TMEM132B: variants seen among roughly 807,000 people sequenced by gnomAD.
TMEM132B encodes the protein transmembrane protein 132B.
In TMEM132B, 18 loss-of-function variants were observed where a neutral mutation model predicts 90.8. The ratio of observed to expected loss-of-function variants is 0.20; its 90% confidence interval spans 0.14 to 0.29. The LOEUF (loss-of-function observed/expected upper bound fraction) is 0.29, where lower values mean the gene tolerates loss of function less well. Ranked by LOEUF, TMEM132B falls within the 10% of genes least tolerant of loss-of-function variation. TMEM132B has a pLI of 1.00. For synonymous variants in TMEM132B, 504 were observed against 523.3 expected (o/e 0.96, Z 0.50); for missense variants, 1,096 against 1,326.8 (o/e 0.83, Z 2.70).
chr12:125,527,066 T>C (rs968499296), intron 4 of TMEM132B, among the ~76,000 whole-genome samples: 748 of 23,016 alleles, frequency 0.032, no homozygotes, highest in Admixed American at 0.042. Context: ...ATCCACCCAT[T>C]TACCCTTCTA....
intron 1 of TMEM132B, among the ~76,000 whole-genome samples, chr12:125,273,170 ATC>A (rs986677370): frequency 2.0e-5 from 3 of 152,196 alleles, no homozygotes; most frequent in Non-Finnish European, 4.4e-5. Context: ...ATCTCTATTT[ATC>A]TCTCTCTATA....
chr12:125,656,193 A>G lies in TMEM132B; in HGVS notation c.*1483A>G, dbSNP rs1887055974. 6.6e-6 allele frequency: 1 copy of G among 152,226 alleles called. No individual in the cohort carries two copies. Among genetic ancestry groups the G allele is most frequent in the Non-Finnish European group, 1.5e-5 (1 of 68,036 alleles). The allele number at this position is 152,226 out of a possible 1,614,324, so 9.4% of individuals were successfully genotyped here. On this transcript the variant is annotated 3_prime_UTR_variant, in exon 9 of 9. Coordinates refer to ENST00000682704, the MANE Select transcript of TMEM132B (RefSeq NM_001366854.1). The stretch of plus-strand genomic sequence containing the variant: ...ATTTATTAAGATTGTATTATTGGAA[A>G]TGTAGACACTGGACTAGTATGCCTC...
intron 1 of TMEM132B, among the ~76,000 whole-genome samples, chr12:125,210,943 A>G (rs552901820): frequency 1.3e-5 from 2 of 152,262 alleles, no homozygotes; most frequent in East Asian, 3.9e-4. Flanking sequence ...AGCCTGGGTG[A>G]CAGAACGAAA....
intron 1 of TMEM132B, among the ~76,000 whole-genome samples, chr12:125,234,442 A>G (rs1418990736): frequency 6.6e-6 from 1 of 152,078 alleles, no homozygotes; most frequent in Non-Finnish European, 1.5e-5. Context: ...TAGACTACAC[A>G]GTGGTTCTCC....
intron 1 of TMEM132B, among the ~76,000 whole-genome samples, chr12:125,327,720 C>A (rs374151076): frequency 6.6e-6 from 1 of 152,156 alleles, no homozygotes; most frequent in African/African-American, 2.4e-5. Flanking sequence ...GGTCACACAG[C>A]AGGACCATTG....
intron 5 of TMEM132B, among the ~76,000 whole-genome samples, chr12:125,623,829 GT>G (rs1193581531): frequency 6.6e-6 from 1 of 152,178 alleles, no homozygotes; most frequent in Admixed American, 6.5e-5. Context: ...CCCAAGGCAG[GT>G]CTGAATTTTA....
chr12:125,413,152 A>C (rs1196095479), intron 2 of TMEM132B, among the ~76,000 whole-genome samples: 1 of 152,118 alleles, frequency 6.6e-6, no homozygotes, highest in African/African-American at 2.4e-5. Context: ...TGGGTGGTAA[A>C]GTTGGGGCTT....
intron 5 of TMEM132B, among the ~76,000 whole-genome samples, chr12:125,616,237 C>T (rs1254497175): frequency 6.6e-6 from 1 of 151,984 alleles, no homozygotes; most frequent in African/African-American, 2.4e-5. Context: ...TGGTTTCCAG[C>T]TTCATCCATG....
At chr12:125,563,008 CAG>C (rs1311667333) in intron 4 of TMEM132B, among the ~76,000 whole-genome samples, 1 of 151,906 alleles carries the variant, frequency 6.6e-6, no homozygotes, top group Non-Finnish European at 1.5e-5. Context: ...GGGAGAGAGA[CAG>C]GGGAATGGCT....
rs148044557 is a variant in TMEM132B at position 125,259,808 on chromosome 12, G to A, written c.67+72942G>A. On this transcript the variant is annotated intron_variant, in intron 1 of 8. Coordinates refer to ENST00000682704, the MANE Select transcript of TMEM132B (RefSeq NM_001366854.1). Reference sequence around the variant, plus strand: ...GGTTTTGTTGGATTTATGAGAACGCGCATACTGGTAAGAGCTGAGATTTAG... The same window carrying A: ...GGTTTTGTTGGATTTATGAGAACGCACATACTGGTAAGAGCTGAGATTTAG... Among the ~76,000 whole-genome samples, 215 of 152,254 alleles carry A rather than the reference G, an allele frequency of 1.4e-3. 1 individual carries two copies. The highest frequency in any genetic ancestry group is 8.2e-3 in the Admixed American group (126 of 15,308).
intron 1 of TMEM132B, among the ~76,000 whole-genome samples, chr12:125,274,401 C>T (rs971083689): frequency 6.6e-6 from 1 of 152,210 alleles, no homozygotes; most frequent in African/African-American, 2.4e-5. Flanking sequence ...TCAGTGTCTA[C>T]AATGGCTGGG....
intron 4 of TMEM132B, among the ~76,000 whole-genome samples, chr12:125,573,666 C>T (rs1348181851): frequency 6.6e-6 from 1 of 152,166 alleles, no homozygotes; most frequent in African/African-American, 2.4e-5. Context: ...TGCTCTGGGT[C>T]ACTTTGGGAG....
At position 125,246,690 on chromosome 12, in the gene TMEM132B, G is replaced by A. The variant is rs777604809; in HGVS notation, c.67+59824G>A. On this transcript the variant is annotated intron_variant, in intron 1 of 8. Transcript: ENST00000682704. This position sits in a 1 kb window ranked among gnomAD's most constrained non-coding sequence, Gnocchi z 4.2. ...AAACAAATACTGATTTTTCCATTTC[G>A]GGCTCTTTTGTGAAGTGCTTTGATT... Among the ~76,000 whole-genome samples the A allele has an allele frequency of 3.1e-4, 47 of 152,110 alleles. No homozygotes were observed. Among genetic ancestry groups the A allele is most frequent in the Non-Finnish European group, 5.9e-4 (40 of 68,034 alleles).
intron 3 of TMEM132B, among the ~76,000 whole-genome samples, chr12:125,419,159 A>G (rs565814172): frequency 1.3e-5 from 2 of 152,322 alleles, no homozygotes; most frequent in African/African-American, 4.8e-5. Flanking sequence ...TAGGCAAGCA[A>G]AAGCCCTAAA....
At chr12:125,450,325 AT>A (rs1267536662) in intron 3 of TMEM132B, among the ~76,000 whole-genome samples, 1 of 152,224 alleles carries the variant, frequency 6.6e-6, no homozygotes, top group East Asian at 1.9e-4. Context: ...GATAAAAAAA[AT>A]GATGATGGCA....
chr12:125,450,523 T>G (rs1881120712), intron 3 of TMEM132B, among the ~76,000 whole-genome samples: 1 of 152,222 alleles, frequency 6.6e-6, no homozygotes, highest in Non-Finnish European at 1.5e-5. Flanking sequence ...AGTGACTTTT[T>G]GGCTTTCTCT....
chr12:125,440,266 T>G (rs1055944512), intron 3 of TMEM132B, among the ~76,000 whole-genome samples: 4 of 152,214 alleles, frequency 2.6e-5, no homozygotes, highest in African/African-American at 9.7e-5. Flanking sequence ...GCTCTTGGTG[T>G]TTTGTCAGAG....
At chr12:125,586,891 A>T (rs1304305390) in intron 5 of TMEM132B, 2 of 152,240 alleles carry the variant, frequency 1.3e-5, no homozygotes, top group Non-Finnish European at 2.9e-5. Flanking sequence ...AGTTACTAAG[A>T]TCTACAGTCA....
intron 3 of TMEM132B, among the ~76,000 whole-genome samples, chr12:125,473,114 A>C: frequency 6.6e-6 from 1 of 151,414 alleles, no homozygotes; most frequent in East Asian, 1.9e-4. Flanking sequence ...CCTCCTCCTT[A>C]CTCTCTGTGC....
Sources: gnomAD v4.1 joint callset for allele counts (sites outside exome capture counted in the v4.1 genomes callset) on GRCh38, gnomAD v4.1.1 for gene constraint, Gnocchi (gnomAD v3.1) non-coding constraint, MANE v1.5 for transcripts, NCBI Gene and HGNC (gene_info 2026-07-23, HGNC 2026-07-21) for gene names.